Variants in ARHGAP8 observed in about 807,000 individuals in gnomAD.
ARHGAP8 encodes rho GTPase-activating protein 8.
Under a neutral mutation model 46.1 loss-of-function variants are expected in ARHGAP8, and 62 were observed. That is an observed-to-expected ratio of 1.34 (90% CI 1.10 to 1.66). The LOEUF is 1.66. ARHGAP8 is among the 40% of genes most tolerant of loss of function. The pLI is 0.00. For synonymous variants in ARHGAP8, 375 were observed against 243.1 expected, an observed-to-expected ratio of 1.54 and a Z score of -5.05; for missense variants, 923 against 568.4, an observed-to-expected ratio of 1.62 and a Z score of -6.34.
At chr22:44,857,428 C>A (rs1435375942) in intron 10 of ARHGAP8, among the ~76,000 whole-genome samples, 4 of 152,080 alleles carry the variant, frequency 2.6e-5, no homozygotes, top group African/African-American at 4.8e-5. Flanking sequence ...CTTGGACTAA[C>A]AAAAGACAGA....
At chr22:44,776,452 C>CAA (rs5845669) in intron 1 of ARHGAP8, among the ~76,000 whole-genome samples, 9 of 144,644 alleles carry the variant, frequency 6.2e-5, no homozygotes, top group South Asian at 2.2e-4. Context: ...AACTCCGTCT[C>CAA]AAAAAAAAAG....
chr22:44,827,336 G>GTTTTTTTTTTTTTTTTTTTTTTTTTTTT (rs796490147), intron 7 of ARHGAP8, among the ~76,000 whole-genome samples: 1 of 67,268 alleles, frequency 1.5e-5, no homozygotes, highest in Non-Finnish European at 2.6e-5. Context: ...TTGGGTGGTG[G>GTTTTTTTTTTTTTTTTTTTTTTTTTTTT]TTTTTTTTTT....
chr22:44,767,228 C>T (rs887238980), intron 1 of ARHGAP8, among the ~76,000 whole-genome samples: 7 of 152,110 alleles, frequency 4.6e-5, no homozygotes, highest in Admixed American at 2.0e-4. Context: ...CCCTCCTTCC[C>T]GCTTTCCCGT....
At chr22:44,761,926 C>T (rs1925160284) in intron 1 of ARHGAP8, among the ~76,000 whole-genome samples, 1 of 152,216 alleles carries the variant, frequency 6.6e-6, no homozygotes, top group Non-Finnish European at 1.5e-5. Flanking sequence ...CATCAGATCT[C>T]ATGAGACTTA....
intron 10 of ARHGAP8, among the ~76,000 whole-genome samples, chr22:44,856,077 C>G (rs1217825399): frequency 6.6e-6 from 1 of 152,014 alleles, no homozygotes; most frequent in African/African-American, 2.4e-5. Flanking sequence ...CTCATGAGAA[C>G]AGCACCAAAG....
intron 1 of ARHGAP8, among the ~76,000 whole-genome samples, chr22:44,766,723 G>A (rs186778833): frequency 7.2e-5 from 11 of 152,252 alleles, no homozygotes; most frequent in Admixed American, 3.9e-4. Flanking sequence ...CCAGTCCTGG[G>A]CTCTGGCAAT....
At chr22:44,780,504 C>T (rs1926765254) in intron 1 of ARHGAP8, among the ~76,000 whole-genome samples, 1 of 151,604 alleles carries the variant, frequency 6.6e-6, no homozygotes, top group South Asian at 2.1e-4. Context: ...CTATTAAAAA[C>T]ACAAAAAATT....
intron 2 of ARHGAP8, among the ~76,000 whole-genome samples, chr22:44,799,995 G>A (rs1161741111): frequency 6.7e-6 from 1 of 149,732 alleles, no homozygotes; most frequent in Non-Finnish European, 1.5e-5. Flanking sequence ...GCAAGGTGGG[G>A]TTGGGGCTGG....
At chr22:44,824,341 G>T (rs966998897) in intron 6 of ARHGAP8, among the ~76,000 whole-genome samples, 1 of 152,206 alleles carries the variant, frequency 6.6e-6, no homozygotes, top group Non-Finnish European at 1.5e-5. Flanking sequence ...AAAAACAACC[G>T]CACGTGGTAG....
At position 44,862,464 on chromosome 22, in the gene ARHGAP8, G is replaced by A. The variant is rs140567858; in HGVS notation, c.1171G>A (p.Gly391Ser). 8.5e-4 allele frequency: 1,378 copies of A among 1,613,938 alleles called. 2 individuals are homozygous for A. Among genetic ancestry groups the A allele is most frequent in the East Asian group, 2.6e-3 (118 of 44,856 alleles). ...CACCCCGGAGGCACCTGGGGAGCAC[G>A]GCCTGGCACCATGGGAACAGGGGAG... ...FSTPEAPGEH[G>S]LAPWEQGSRA... The change falls in exon 12 of 12, where the codon GGC becomes AGC. Residue 391 changes from glycine to serine, a missense_variant. By Grantham distance (56) the Gly-to-Ser change is moderately conservative (BLOSUM62 0). Transcript: ENST00000356099.
At chr22:44,787,047 A>AAAAAAAAAAAAAAAAAC (rs796358176) in intron 2 of ARHGAP8, among the ~76,000 whole-genome samples, 6 of 145,482 alleles carry the variant, frequency 4.1e-5, no homozygotes, top group Non-Finnish European at 7.5e-5. Context: ...CAAAAAAAAA[A>AAAAAAAAAAAAAAAAAC]AAAAGAAAGA....
intron 7 of ARHGAP8, among the ~76,000 whole-genome samples, chr22:44,836,589 CTG>C (rs1931303656): frequency 6.6e-6 from 1 of 151,124 alleles, no homozygotes; most frequent in Admixed American, 6.6e-5. Flanking sequence ...ACAGTGGTCA[CTG>C]TGATCGTTCA....
chr22:44,858,754 GC>G (rs2070323519), intron 10 of ARHGAP8, among the ~76,000 whole-genome samples: 1 of 144,904 alleles, frequency 6.9e-6, no homozygotes, highest in South Asian at 2.2e-4. Flanking sequence ...CAGAGTGGGG[GC>G]CAGTTGCATC....
intron 5 of ARHGAP8, among the ~76,000 whole-genome samples, chr22:44,816,674 A>G (rs1929764500): frequency 1.3e-5 from 2 of 151,886 alleles, no homozygotes; most frequent in African/African-American, 4.8e-5. Context: ...GATGTGTAGC[A>G]TGCGCCTGTG....
At chr22:44,801,831 C>T (rs574322147) in intron 2 of ARHGAP8, 41 of 544,878 alleles carry the variant, frequency 7.5e-5, no homozygotes, top group Middle Eastern at 5.0e-4. Context: ...TGCTGGGCCT[C>T]GGTTTTCTAT....
chr22:44,824,500 C>G (rs1235356418), intron 6 of ARHGAP8, among the ~76,000 whole-genome samples: 1 of 152,220 alleles, frequency 6.6e-6, no homozygotes, highest in African/African-American at 2.4e-5. Context: ...CATGTGCCCC[C>G]CCATCCTGTG....
At chr22:44,851,886 A>C (rs187932842) in intron 10 of ARHGAP8, among the ~76,000 whole-genome samples, 4 of 152,026 alleles carry the variant, frequency 2.6e-5, no homozygotes, top group Admixed American at 1.3e-4. Context: ...AGCAAGCAAG[A>C]AAGAAAAGAA....
intron 1 of ARHGAP8, among the ~76,000 whole-genome samples, chr22:44,785,102 G>A (rs766643706): frequency 5.3e-5 from 8 of 152,156 alleles, no homozygotes; most frequent in African/African-American, 7.2e-5. Flanking sequence ...CTCAGGCCCC[G>A]CCTCACGCTC....
intron 4 of ARHGAP8, chr22:44,808,884 C>G: frequency 2.7e-6 from 1 of 364,192 alleles, no homozygotes; most frequent in South Asian, 2.1e-5. Context: ...GTGGTGCAAT[C>G]ATGGTTCACT....
Sources: allele counts gnomAD v4.1 joint callset (sites outside exome capture counted in the v4.1 genomes callset), GRCh38; gene constraint gnomAD v4.1.1; transcripts MANE v1.5; gene names NCBI Gene and HGNC (gene_info 2026-07-23, HGNC 2026-07-21).